The following DSG2 variants were observed in gnomAD, a reference collection of about 807,000 sequenced individuals.
DSG2 encodes desmoglein 2.
In DSG2, 45 loss-of-function variants were observed where a neutral mutation model predicts 75.6. The ratio of observed to expected loss-of-function variants is 0.60; its 90% CI spans 0.47 to 0.76. The LOEUF (loss-of-function observed/expected upper bound fraction) is 0.76, where lower values mean the gene tolerates loss of function less well. DSG2 is among the 30% of genes least tolerant of loss of function. The probability of loss-of-function intolerance (pLI) is 0.00; values close to 1 mark genes in which losing one functional copy is unlikely to be tolerated. For missense variants in DSG2, 1,267 were observed against 1,357.4 expected (o/e 0.93, Z 1.05); for synonymous variants, 429 against 483.9 (o/e 0.89, Z 1.49).
Position 31,548,223 on chromosome 18 carries a change from C to T in DSG2, c.*1480C>T, listed in dbSNP as rs781272494. ...TTTTTTTACAAATCATTTGGGTTAT[C>T]TCCTAAATAGGTTATATTTTATTGC... On this transcript the variant is annotated 3_prime_UTR_variant, in exon 15 of 15. Coordinates refer to ENST00000261590, the MANE Select transcript of DSG2 (RefSeq NM_001943.5). 8 of 152,124 alleles carry T rather than the reference C, an allele frequency of 5.3e-5. No homozygotes were observed. The highest frequency in any genetic ancestry group is 1.2e-4 in the Non-Finnish European group (8 of 68,018). The allele number at this position is 152,124 out of a possible 1,614,324, so 9.4% of individuals were successfully genotyped here. A position where few individuals can be genotyped will look rare whatever the true frequency, so the allele number is the denominator to read the frequency against.
Position 31,531,314 on chromosome 18 carries a change from A to T in DSG2, c.1280+62A>T, listed in dbSNP as rs1046873664. ...ATTATTTTCAGTGCCTATTTTCAAA[A>T]ATCATAATCAAATCTGAACACTTCA... On this transcript the variant is annotated intron_variant, in intron 9 of 14. Coordinates refer to ENST00000261590, the MANE Select transcript of DSG2 (RefSeq NM_001943.5). 1.0e-5 allele frequency: 16 copies of T among 1,568,574 alleles called. No homozygotes were observed. The African/African-American group carries it at 2.2e-4, about 21-fold the overall frequency.
chr18:31,538,898 G>A lies in DSG2; in HGVS notation c.1799G>A (p.Arg600Lys), dbSNP rs767862323. Residue 600 changes from arginine to lysine, a missense_variant, in exon 12 of 15, where the codon AGG becomes AAG. By Grantham distance (26) the Arg-to-Lys change is conservative. Coordinates refer to ENST00000261590, the MANE Select transcript of DSG2 (RefSeq NM_001943.5). ...GAGTGTCTGCATGGCAGCGGCTGCA[G>A]GGAAGCACAGCATGACTCCTATGTG... Reference protein sequence around the residue: ...VCECLHGSGCREAQHDSYVGL... With the variant: ...VCECLHGSGCKEAQHDSYVGL... 6.2e-7 allele frequency: 1 copy of A among 1,614,152 alleles called. No individual in the cohort carries two copies. The highest frequency in any genetic ancestry group is 2.2e-5 in the East Asian group (1 of 44,876).
rs1437170752 is a variant in DSG2, at chr18:31,519,793, A to G, written c.82-10A>G. 5 of 1,613,642 alleles carry G rather than the reference A, an allele frequency of 3.1e-6. No individual in the cohort carries two copies. The African/African-American group carries it at 4.0e-5, about 13-fold the overall frequency. ...ACATAATAAATTTTGGCAATATTCTATTGTTATAGGTCTTAAGCACAAGAA... is the reference window on the plus strand; with the variant it reads ...ACATAATAAATTTTGGCAATATTCTGTTGTTATAGGTCTTAAGCACAAGAA... On this transcript the variant is annotated splice_polypyrimidine_tract_variant and intron_variant, in intron 2 of 14. Transcript: ENST00000261590.
chr18:31,503,473 T>G (rs886553721), intron 1 of DSG2, among the ~76,000 whole-genome samples: 1 of 152,144 alleles, frequency 6.6e-6, no homozygotes, highest in Admixed American at 6.5e-5. Flanking sequence ...TTGCTTGAAC[T>G]TAGAAAGTGA....
chr18:31,519,779 T>G, intron 2 of DSG2, 24 bp from the exon 3 acceptor site: 1 of 1,609,876 alleles, frequency 6.2e-7, no homozygotes, highest in Non-Finnish European at 8.5e-7. Context: ...CATAATAAAT[T>G]TTGGCAATAT....
intron 12 of DSG2, among the ~76,000 whole-genome samples, chr18:31,539,427 C>T (rs1376445741): frequency 6.6e-6 from 1 of 152,198 alleles, no homozygotes; most frequent in East Asian, 1.9e-4. Context: ...GTACATTCAA[C>T]TTATCAGAGC....
intron 1 of DSG2, among the ~76,000 whole-genome samples, chr18:31,507,869 T>C (rs1008365103): frequency 7.9e-5 from 12 of 152,240 alleles, no homozygotes; most frequent in African/African-American, 2.9e-4. Context: ...TCTCCCATTC[T>C]GTAGGTTGCC....
chr18:31,541,453 G>A (rs936733092), intron 13 of DSG2, 139 bp downstream of exon 13: 75 of 1,140,086 alleles, frequency 6.6e-5, no homozygotes, highest in Non-Finnish European at 9.1e-5. Flanking sequence ...TAAGCAAAGA[G>A]TTCAAATGAC....
At chr18:31,539,625 A>G (rs2073254234) in intron 12 of DSG2, among the ~76,000 whole-genome samples, 1 of 152,228 alleles carries the variant, frequency 6.6e-6, no homozygotes. Flanking sequence ...CTGAGGTCAC[A>G]TGAAATATCA....
rs751315568 is a variant in DSG2, at chr18:31,542,660, G to T, written c.2142G>T (p.Met714Ile). 2 of 1,614,162 alleles carry T rather than the reference G, an allele frequency of 1.2e-6. No individual in the cohort carries two copies. The highest frequency in any genetic ancestry group is 2.2e-5 in the South Asian group (2 of 91,082). ...AAGGGCAACATGAGATGTCCGAGATGGATGGAAGGTGGGAAGAACACAGAA... is the reference window on the plus strand; with the variant it reads ...AAGGGCAACATGAGATGTCCGAGATTGATGGAAGGTGGGAAGAACACAGAA... ...IVKGQHEMSE[M>I]DGRWEEHRSL... Residue 714 changes from methionine to isoleucine, a missense_variant, in exon 14 of 15, where the codon ATG (methionine) becomes ATT (isoleucine). Met to Ile is a conservative substitution (Grantham distance 10). Transcript: ENST00000261590.
intron 13 of DSG2, 98 bp downstream of exon 13, chr18:31,541,412 A>T: frequency 7.0e-7 from 1 of 1,437,758 alleles, no homozygotes; most frequent in Non-Finnish European, 9.6e-7. Flanking sequence ...GAGTAAAGTG[A>T]TCACTATGGA....
intron 2 of DSG2, among the ~76,000 whole-genome samples, chr18:31,518,708 A>G (rs2073109157): frequency 6.7e-6 from 1 of 148,266 alleles, no homozygotes; most frequent in African/African-American, 2.4e-5. Context: ...TTTTTGTCAT[A>G]GAAAATTTTG....
At position 31,546,692 on chromosome 18, in the gene DSG2, A is replaced by G. The variant is rs747930194; in HGVS notation, c.3306A>G (p.Thr1102=). ...ESGHSNSTIT[T]SSTRVTKHST... Reference sequence around the variant, plus strand: ...GTCATTCTAATTCTACCATAACCACATCTTCCACCAGAGTTACCAAGCATA... The same window carrying G: ...GTCATTCTAATTCTACCATAACCACGTCTTCCACCAGAGTTACCAAGCATA... The change falls in exon 15 of 15, where the codon ACA becomes ACG. Residue 1102 remains threonine (T), a synonymous_variant. Coordinates refer to ENST00000261590, the MANE Select transcript of DSG2 (RefSeq NM_001943.5). 7 of 1,614,148 alleles carry G rather than the reference A, an allele frequency of 4.3e-6. No individual in the cohort carries two copies. The highest frequency in any genetic ancestry group is 1.1e-5 in the South Asian group (1 of 91,082).
At chr18:31,535,169 A>T in intron 9 of DSG2, 101 bp from the exon 10 acceptor site, 1 of 854,390 alleles carries the variant, frequency 1.2e-6, no homozygotes, top group East Asian at 2.7e-5. Context: ...TAATAAGAAC[A>T]TATTTAAAGA....
chr18:31,498,441 G>A lies in DSG2; in HGVS notation c.45+145G>A, dbSNP rs9945553. The A allele has an allele frequency of 1.1e-5, 10 of 913,288 alleles. No individual in the cohort carries two copies. In the African/African-American group the frequency reaches 1.2e-4, roughly 11 times the overall value. The allele number at this position is 913,288 out of a possible 1,614,324, so 56.6% of individuals were successfully genotyped here. On this transcript the variant is annotated intron_variant, in intron 1 of 14. Transcript: ENST00000261590. ...TCCTGCTGCCCGAGGGGGGAAAAGGGCCGGGCAGGCTGCGGCGAGATCCGA... is the reference window on the plus strand; with the variant it reads ...TCCTGCTGCCCGAGGGGGGAAAAGGACCGGGCAGGCTGCGGCGAGATCCGA...
In DSG2 at chr18:31,541,183, G is replaced by A. The variant is rs2144350506; in HGVS notation, c.1880-10G>A. On this transcript the variant is annotated splice_polypyrimidine_tract_variant and intron_variant, in intron 12 of 14. Coordinates refer to ENST00000261590, the MANE Select transcript of DSG2 (RefSeq NM_001943.5). ...TAACCTTATCTGTGTTCAATTTTGTGTCTGTACAGTGGTACCACTTTTACT... is the reference window on the plus strand; with the variant it reads ...TAACCTTATCTGTGTTCAATTTTGTATCTGTACAGTGGTACCACTTTTACT... 1 of 1,614,130 alleles carries A rather than the reference G, an allele frequency of 6.2e-7. No homozygotes were observed. Among genetic ancestry groups the A allele is most frequent in the African/African-American group, 1.3e-5 (1 of 75,056 alleles).
intron 1 of DSG2, among the ~76,000 whole-genome samples, chr18:31,505,731 G>A (rs934914611): frequency 1.6e-4 from 24 of 147,940 alleles, no homozygotes; most frequent in African/African-American, 5.3e-4. Context: ...GTGCAGTCTC[G>A]GCTCACTGCA....
intron 1 of DSG2, among the ~76,000 whole-genome samples, chr18:31,506,009 A>G (rs569139249): frequency 1.3e-5 from 2 of 152,312 alleles, no homozygotes; most frequent in African/African-American, 4.8e-5. Context: ...TTGGGCGTCT[A>G]CTATATGACC....
chr18:31,505,438 GT>G (rs1314712203), intron 1 of DSG2, among the ~76,000 whole-genome samples: 3 of 152,126 alleles, frequency 2.0e-5, no homozygotes, highest in Non-Finnish European at 2.9e-5. Context: ...CTACCTCATA[GT>G]AGTTTGATCC....
Sources: allele counts gnomAD v4.1 joint callset (sites outside exome capture counted in the v4.1 genomes callset), GRCh38; gene constraint gnomAD v4.1.1; transcripts MANE v1.5; gene names NCBI Gene and HGNC (gene_info 2026-07-23, HGNC 2026-07-21).